MED14: variants seen among roughly 807,000 people sequenced by gnomAD.
MED14 encodes the protein mediator of RNA polymerase II transcription subunit 14.
In MED14, 8 loss-of-function variants were observed where a neutral mutation model predicts 109.0. That is an observed-to-expected ratio of 0.07 (90% CI 0.04 to 0.13). The LOEUF is 0.13. Among genes scored for constraint, MED14 ranks in the 10% least tolerant of loss-of-function variants. The pLI, the probability that MED14 is intolerant of heterozygous loss-of-function variation, is 1.00. For missense variants in MED14, 711 were observed against 1,142.4 expected (o/e 0.62, Z 5.44); for synonymous variants, 399 against 408.7 (o/e 0.98, Z 0.29).
intron 3 of MED14, among the ~76,000 whole-genome samples, chrX:40,716,493 C>T (rs1407244187): frequency 9.3e-6 from 1 of 107,367 alleles, no homozygotes; most frequent in East Asian, 2.9e-4. Flanking sequence ...CTCACAGCTA[C>T]TAGGGAGGAT....
At position 40,671,961 on chromosome X, in the gene MED14, C is replaced by T. The variant is rs1473393940; in HGVS notation, c.3033G>A (p.Lys1011=). Residue 1011 remains lysine (K), a synonymous_variant, in exon 23 of 31, where the codon AAG becomes AAA. Coordinates refer to ENST00000324817, the MANE Select transcript of MED14 (RefSeq NM_004229.4). ...QPPPQQQPFP[K]QPGTSGAYPL... is the part of the protein sequence containing the mutation. ...GATAAGCACCTGATGTTCCTGGCTG[C>T]TTTGGAAATGGCTGAAAAGAAGAAA... The T allele has an allele frequency of 5.9e-6, 7 of 1,192,116 alleles. No homozygotes were observed. In the South Asian group the frequency reaches 1.1e-4, roughly 19 times the overall value.
chrX:40,702,018 G>A (rs1252383014), intron 11 of MED14, among the ~76,000 whole-genome samples: 5 of 111,205 alleles, frequency 4.5e-5, no homozygotes, highest in Admixed American at 2.9e-4. Flanking sequence ...CAGAGAAGTC[G>A]CTCTCTCAGC....
At chrX:40,735,720 A>T (rs1344189723), upstream of MED14, 1 of 438,404 alleles carries the variant, frequency 2.3e-6, no homozygotes, top group Admixed American at 2.8e-5. Context: ...GCCGCAACGT[A>T]CATGTTGACT....
In MED14 at chrX:40,649,681, CAA is replaced by C. The variant is rs749670383; in HGVS notation, c.*2123_*2124del. The C allele has an allele frequency of 8.8e-6, 8 of 905,857 alleles. No individual in the cohort carries two copies. Among genetic ancestry groups the C allele is most frequent in the Non-Finnish European group, 1.1e-5 (8 of 724,555 alleles). The allele number at this position is 905,857 out of a possible 1,213,427, so 74.7% of individuals were successfully genotyped here. On this transcript the variant is annotated 3_prime_UTR_variant, in exon 31 of 31. Transcript: ENST00000324817. ...AGTCCCCTTGATCGAACCTGGGTAA[CAA>C]AAGAGGCAAAAGACATGATTTGTGA...
intron 2 of MED14, among the ~76,000 whole-genome samples, chrX:40,728,797 C>T (rs1013892196): frequency 8.2e-5 from 9 of 109,897 alleles, no homozygotes; most frequent in Admixed American, 4.9e-4. Context: ...ATCATTGTTG[C>T]AAGTGATAAA....
At chrX:40,721,041 T>C (rs981742735) in intron 3 of MED14, among the ~76,000 whole-genome samples, 2 of 111,210 alleles carry the variant, frequency 1.8e-5, no homozygotes, top group African/African-American at 6.5e-5. Context: ...ATGTGCTGAC[T>C]TCAGGTGTGA....
chrX:40,727,375 GAACTT>G (rs1569299498), intron 2 of MED14, among the ~76,000 whole-genome samples: 1 of 111,682 alleles, frequency 9.0e-6, no homozygotes, highest in Non-Finnish European at 1.9e-5. Flanking sequence ...AGCAATTAAA[GAACTT>G]AACTATGTAA....
upstream of MED14, chrX:40,735,814 T>C (rs773473435): frequency 1.9e-4 from 63 of 332,601 alleles, no homozygotes; most frequent in South Asian, 1.0e-3. Flanking sequence ...CTCTCAGCTG[T>C]CTAGCACCGC....
At chrX:40,715,812 A>C (rs1482271277) in intron 3 of MED14, among the ~76,000 whole-genome samples, 1 of 67,484 alleles carries the variant, frequency 1.5e-5, no homozygotes, top group Non-Finnish European at 2.6e-5. Flanking sequence ...AAAAAAAAAA[A>C]GGACAGACAA....
intron 2 of MED14, among the ~76,000 whole-genome samples, chrX:40,727,176 C>T (rs1931922479): frequency 9.0e-6 from 1 of 111,638 alleles, no homozygotes; most frequent in Non-Finnish European, 1.9e-5. Context: ...AACTGCTTCA[C>T]AGAAGGGATT....
chrX:40,682,703 C>T lies in MED14; in HGVS notation c.2265G>A (p.Glu755=). ...CAACCACCTTTCTACCACCAACAGG[C>T]TCAGACAACAGATTTTCATATGTCA... ...VYLTYENLLS[E]PVGGRKVVEM... is the part of the protein sequence containing the mutation. The change falls in exon 18 of 31, where the codon GAG becomes GAA. Residue 755 remains glutamate (E), a synonymous_variant. Transcript: ENST00000324817. 1 of 1,208,103 alleles carries T rather than the reference C, an allele frequency of 8.3e-7. No individual in the cohort carries two copies. Among genetic ancestry groups the T allele is most frequent in the Non-Finnish European group, 1.1e-6 (1 of 892,654 alleles).
chrX:40,674,371 T>C (rs1364212670), intron 22 of MED14, among the ~76,000 whole-genome samples: 2 of 112,145 alleles, frequency 1.8e-5, no homozygotes, highest in Non-Finnish European at 3.8e-5. Context: ...ATTTAAGCAC[T>C]GGAAAGTTGT....
rs890776391 is a variant in MED14 at position 40,717,532 on chromosome X, T to C, written c.349-2822A>G. Among the ~76,000 whole-genome samples, 4 of 110,890 alleles carry C rather than the reference T, an allele frequency of 3.6e-5. No individual in the cohort carries two copies. In the Admixed American group the frequency reaches 3.8e-4, roughly 11 times the overall value. ...TTTTGTTGTTGTTGTTTCATTTTGT[T>C]TTGTTTTTGAGACAGAGTCTTGCTC... On this transcript the variant is annotated intron_variant, in intron 3 of 30. Coordinates refer to ENST00000324817, the MANE Select transcript of MED14 (RefSeq NM_004229.4).
chrX:40,654,679 CAT>C, intron 29 of MED14, 123 bp from the exon 30 acceptor site: 2 of 771,374 alleles, frequency 2.6e-6, no homozygotes, highest in Non-Finnish European at 1.8e-6. Flanking sequence ...GAAAATTACA[CAT>C]GACAAGAAAA....
intron 13 of MED14, among the ~76,000 whole-genome samples, chrX:40,695,828 T>C (rs1002437547): frequency 7.1e-5 from 8 of 112,417 alleles, no homozygotes; most frequent in African/African-American, 2.6e-4. Context: ...GAGCTTAAGA[T>C]ATGTCAGCCT....
At chrX:40,723,391 C>T (rs1237086930) in intron 3 of MED14, among the ~76,000 whole-genome samples, 2 of 111,171 alleles carry the variant, frequency 1.8e-5, no homozygotes, top group Non-Finnish European at 3.8e-5. Context: ...ATGGGCCGGG[C>T]GCGGTGGCTC....
chrX:40,678,769 G>A (rs1303703719), intron 21 of MED14, among the ~76,000 whole-genome samples: 1 of 108,737 alleles, frequency 9.2e-6, no homozygotes, highest in Non-Finnish European at 1.9e-5. Flanking sequence ...TCATGCCACT[G>A]CACTCCAGCC....
At chrX:40,733,924 A>G (rs910934234) in intron 1 of MED14, among the ~76,000 whole-genome samples, 1 of 112,217 alleles carries the variant, frequency 8.9e-6, no homozygotes, top group Non-Finnish European at 1.9e-5. Context: ...GTGTGGGACT[A>G]TAACTACATA....
At position 40,654,979 on chromosome X, in the gene MED14, G is replaced by T; in HGVS notation, c.4054C>A (p.Pro1352Thr). The T allele has an allele frequency of 8.3e-7, 1 of 1,211,317 alleles. No homozygotes were observed. The highest frequency in any genetic ancestry group is 1.1e-6 in the Non-Finnish European group (1 of 895,023). The stretch of plus-strand genomic sequence containing the variant: ...TTCAGCACCACAGCAGGCGTCCCAG[G>T]AGGTGCAATCGGCGGCGCGCTGGGA... ...IPPSAPPIAP[P>T]GTPAVVLKSK... The change falls in exon 29 of 31, where the codon CCT (proline) becomes ACT (threonine). Residue 1352 changes from proline (P) to threonine (T), a missense_variant. Coordinates refer to ENST00000324817, the MANE Select transcript of MED14 (RefSeq NM_004229.4).
Sources: gnomAD v4.1 joint callset for allele counts (sites outside exome capture counted in the v4.1 genomes callset) on GRCh38, gnomAD v4.1.1 for gene constraint, MANE v1.5 for transcripts, NCBI Gene and HGNC (gene_info 2026-07-23, HGNC 2026-07-21) for gene names.